Variants in EPS8 observed in about 807,000 individuals in gnomAD.
The protein encoded by EPS8 is EGFR pathway substrate 8, signaling adaptor.
Under a neutral mutation model 103.8 loss-of-function variants are expected in EPS8, and 42 were observed. The observed-to-expected ratio is 0.40, with a 90% CI of 0.32 to 0.52. The LOEUF is 0.52. Ranked by LOEUF, EPS8 falls within the 20% of genes least tolerant of loss-of-function variation. EPS8 has a pLI of 0.40. For synonymous variants in EPS8, 344 were observed against 344.6 expected (o/e 1.00, Z 0.02); for missense variants, 969 against 1,005.1 (o/e 0.96, Z 0.49).
chr12:15,683,869 T>C (rs1163834357), intron 1 of EPS8: 1 of 152,222 alleles, frequency 6.6e-6, no homozygotes, highest in African/African-American at 2.4e-5. Flanking sequence ...TTCTGAATTT[T>C]GTCTTTTCAA....
chr12:15,681,986 T>C (rs1282603907), intron 2 of EPS8, among the ~76,000 whole-genome samples: 1 of 152,094 alleles, frequency 6.6e-6, no homozygotes, highest in East Asian at 1.9e-4. Flanking sequence ...GAATGTGATA[T>C]CTGGGTAAAA....
rs34686335 is a variant in EPS8 at position 15,783,715 on chromosome 12, TAAAA to T, written c.-22+5442_-22+5445del. Among the ~76,000 whole-genome samples, 141 of 95,356 alleles carry T rather than the reference TAAAA, an allele frequency of 1.5e-3. 1 individual carries two copies. The highest frequency in any genetic ancestry group is 3.7e-3 in the African/African-American group (108 of 28,910). The allele number at this position is 95,356 out of a possible 152,430, so 62.6% of individuals were successfully genotyped here. On this transcript the variant is annotated intron_variant, in intron 1 of 20. Transcript: ENST00000281172. ...TCACAAAGAAGCATCTCTGAGTTAG[TAAAA>T]AAAAAAAAAAAAAAAAGAGGAAAAT... is the stretch of plus-strand genomic sequence containing the variant.
At chr12:15,707,570 C>A in intron 1 of EPS8, among the ~76,000 whole-genome samples, 1 of 151,530 alleles carries the variant, frequency 6.6e-6, no homozygotes, top group East Asian at 1.9e-4. Flanking sequence ...AAAAAAAAAT[C>A]ACATGCTACA....
chr12:15,641,575 A>C, intron 16 of EPS8, 147 bp downstream of exon 16: 1 of 425,630 alleles, frequency 2.3e-6, no homozygotes, highest in Non-Finnish European at 4.1e-6. Flanking sequence ...GAGTATCTAT[A>C]TACCCCTACT....
intron 1 of EPS8, among the ~76,000 whole-genome samples, chr12:15,743,250 A>T (rs1030265580): frequency 6.6e-6 from 1 of 152,182 alleles, no homozygotes. Context: ...CCACTACTCA[A>T]TGAAATAAAA....
chr12:15,717,042 C>T lies in EPS8; in HGVS notation c.-21-34070G>A, dbSNP rs1257866995. On this transcript the variant is annotated intron_variant, in intron 1 of 20. Coordinates refer to ENST00000281172, the MANE Select transcript of EPS8 (RefSeq NM_004447.6). This position sits in a 1 kb window ranked among gnomAD's most constrained non-coding sequence, Gnocchi z 4.3. ...ACTACATATTATCAAATTTCAATTA[C>T]ATACATGCTAAGTTAGTTAAATTTG... Among the ~76,000 whole-genome samples, 1 of 152,210 alleles carries T rather than the reference C, an allele frequency of 6.6e-6. No homozygotes were observed. Among genetic ancestry groups the T allele is most frequent in the Non-Finnish European group, 1.5e-5 (1 of 68,050 alleles).
In EPS8 at chr12:15,621,365, G is replaced by T. The variant is rs200002514; in HGVS notation, c.2421C>A (p.Ala807=). The part of the protein sequence containing the change: ...MRRRQEKISA[A]ASDSGVESFD... ...AAGATTCCACTCCTGAATCACTAGC[G>T]GCAGCACTGATTTTTTCCTGTCGTC... The change falls in exon 21 of 21, where the codon GCC becomes GCA. Residue 807 remains alanine (A), a synonymous_variant. Transcript: ENST00000281172. 2 of 1,602,612 alleles carry T rather than the reference G, an allele frequency of 1.2e-6. No individual in the cohort carries two copies. Among genetic ancestry groups the T allele is most frequent in the African/African-American group, 1.4e-5 (1 of 74,046 alleles).
rs1947211416 is a variant in EPS8 at position 15,776,881 on chromosome 12, T to C, written c.-22+12280A>G. Among the ~76,000 whole-genome samples the C allele has an allele frequency of 6.6e-6, 1 of 152,230 alleles. No individual in the cohort carries two copies. The highest frequency in any genetic ancestry group is 6.5e-5 in the Admixed American group (1 of 15,276). On this transcript the variant is annotated intron_variant, in intron 1 of 20. Transcript: ENST00000281172. This position sits in a 1 kb window ranked among gnomAD's most constrained non-coding sequence, Gnocchi z 4.2. Reference sequence around the variant, plus strand: ...GTTTGGAATCTTATTGAAAATTTCATATTTCCCAGTAATGATAGTTTGATT... The same window carrying C: ...GTTTGGAATCTTATTGAAAATTTCACATTTCCCAGTAATGATAGTTTGATT...
At position 15,787,097 on chromosome 12, in the gene EPS8, A is replaced by C. The variant is rs922940257; in HGVS notation, c.-22+2064T>G. On this transcript the variant is annotated intron_variant, in intron 1 of 20. Coordinates refer to ENST00000281172, the MANE Select transcript of EPS8 (RefSeq NM_004447.6). The surrounding 1 kb of genome is among the most constrained non-coding windows in gnomAD (Gnocchi z 4.9). The stretch of plus-strand genomic sequence containing the variant: ...TAGAACTTCAAGTATTTAAAGAGAC[A>C]ACTTTTAAAAACCTATCATTTCCTA... Among the ~76,000 whole-genome samples the C allele has an allele frequency of 9.2e-5, 14 of 152,170 alleles. No individual in the cohort carries two copies. The highest frequency in any genetic ancestry group is 8.5e-4 in the Admixed American group (13 of 15,282).
chr12:15,650,681 G>T, intron 14 of EPS8, 142 bp downstream of exon 14: 1 of 717,124 alleles, frequency 1.4e-6, no homozygotes, highest in Non-Finnish European at 2.3e-6. Context: ...AGAGAGAGAG[G>T]TAATTCAGGA....
At chr12:15,666,333 A>G in intron 7 of EPS8, 107 bp downstream of exon 7, 3 of 794,462 alleles carry the variant, frequency 3.8e-6, no homozygotes, top group Non-Finnish European at 6.1e-6. Context: ...TATGATCTAT[A>G]CAATACAATA....
chr12:15,717,674 G>A lies in EPS8; in HGVS notation c.-21-34702C>T, dbSNP rs138791252. ...ATAAATAGCAGGACCAATATTATAC[G>A]TTCTTTCCAGAAGTTATTTAGAAGA... On this transcript the variant is annotated intron_variant, in intron 1 of 20. Transcript: ENST00000281172. The surrounding 1 kb of genome is among the most constrained non-coding windows in gnomAD (Gnocchi z 4.3). 6.8e-4 allele frequency among the ~76,000 whole-genome samples: 103 copies of A among 152,288 alleles called. No individual in the cohort carries two copies. Among genetic ancestry groups the A allele is most frequent in the African/African-American group, 2.2e-3 (90 of 41,562 alleles).
At chr12:15,643,703 C>T (rs1945270238) in intron 15 of EPS8, among the ~76,000 whole-genome samples, 1 of 134,594 alleles carries the variant, frequency 7.4e-6, no homozygotes, top group African/African-American at 2.8e-5. Flanking sequence ...CGTGCCATTG[C>T]ACTCCAGCCT....
In EPS8 at chr12:15,714,182, CA is replaced by C. The variant is rs796996213; in HGVS notation, c.-21-31211del. Among the ~76,000 whole-genome samples the C allele has an allele frequency of 3.3e-5, 5 of 151,690 alleles. No homozygotes were observed. Among genetic ancestry groups the C allele is most frequent in the African/African-American group, 1.2e-4 (5 of 41,354 alleles). Reference sequence around the variant, plus strand: ...GAAAATGATTTACTGTGATTATTAACAAATATGCCAAACAGAAAATTGAGTG... The same window carrying C: ...GAAAATGATTTACTGTGATTATTAACAATATGCCAAACAGAAAATTGAGTG... On this transcript the variant is annotated intron_variant, in intron 1 of 20. Transcript: ENST00000281172. The surrounding 1 kb of genome is among the most constrained non-coding windows in gnomAD (Gnocchi z 4.1).
In EPS8 at chr12:15,688,642, A is replaced by T. The variant is rs1358038069; in HGVS notation, c.-21-5670T>A. Among the ~76,000 whole-genome samples, 1 of 152,124 alleles carries T rather than the reference A, an allele frequency of 6.6e-6. No individual in the cohort carries two copies. Among genetic ancestry groups the T allele is most frequent in the Non-Finnish European group, 1.5e-5 (1 of 68,010 alleles). ...CAGAATGACGCGGAATTTGGAGTTT[A>T]GCAGGGGCAGCCGGACTCCAGGGGA... On this transcript the variant is annotated intron_variant, in intron 1 of 20. Transcript: ENST00000281172. The surrounding 1 kb of genome is among the most constrained non-coding windows in gnomAD (Gnocchi z 5.1).
intron 4 of EPS8, among the ~76,000 whole-genome samples, chr12:15,670,491 T>C (rs1394147492): frequency 5.3e-5 from 8 of 152,136 alleles, no homozygotes; most frequent in Non-Finnish European, 1.0e-4. Flanking sequence ...GAACCATTAT[T>C]TAACTAGAAC....
intron 15 of EPS8, among the ~76,000 whole-genome samples, chr12:15,644,497 A>G (rs956978513): frequency 6.6e-6 from 1 of 152,110 alleles, no homozygotes; most frequent in Non-Finnish European, 1.5e-5. Context: ...GATCGAGACC[A>G]TCCTGGCTAA....
rs539471005 is a variant in EPS8 at position 15,628,803 on chromosome 12, G to A, written c.2044+2639C>T. Among the ~76,000 whole-genome samples the A allele has an allele frequency of 2.0e-5, 3 of 152,238 alleles. No homozygotes were observed. In the South Asian group the frequency reaches 6.2e-4, roughly 32 times the overall value. ...CATTTTATTTTTACCAGAAGTTTAG[G>A]CAGTAAGCAGAGAATGTGGGTAGAT... On this transcript the variant is annotated intron_variant, in intron 18 of 20. Coordinates refer to ENST00000281172, the MANE Select transcript of EPS8 (RefSeq NM_004447.6).
intron 15 of EPS8, among the ~76,000 whole-genome samples, chr12:15,643,676 G>A (rs10772865): frequency 0.89 from 133,693 of 150,120 alleles, 60,884 homozygotes; most frequent in Non-Finnish European, 0.98. Flanking sequence ...GAGGCAGAGG[G>A]TGCAGTAGGC....
Sources: gnomAD v4.1 joint callset for allele counts (sites outside exome capture counted in the v4.1 genomes callset) on GRCh38, gnomAD v4.1.1 for gene constraint, Gnocchi (gnomAD v3.1) non-coding constraint, MANE v1.5 for transcripts, NCBI Gene and HGNC (gene_info 2026-07-23, HGNC 2026-07-21) for gene names.